Variants in PLAC8 observed in about 807,000 individuals in gnomAD.
The protein encoded by PLAC8 is placenta associated 8.
A neutral mutation model predicts 12.6 loss-of-function variants in PLAC8; 6 were observed. The ratio of observed to expected loss-of-function variants is 0.48; its 90% CI spans 0.26 to 0.94. PLAC8 has a LOEUF of 0.94. PLAC8 is among the 40% of genes least tolerant of loss of function. The pLI, the probability that PLAC8 is intolerant of heterozygous loss-of-function variation, is 0.14. For missense variants in PLAC8, 122 were observed against 152.7 expected, an observed-to-expected ratio of 0.80 and a Z score of 1.06; for synonymous variants, 54 against 52.6, an observed-to-expected ratio of 1.03 and a Z score of -0.11.
chr4:83,096,085 C>T (rs993414623), intron 3 of PLAC8, among the ~76,000 whole-genome samples: 2 of 152,186 alleles, frequency 1.3e-5, no homozygotes, highest in African/African-American at 4.8e-5. Context: ...CCTCCAAAGG[C>T]AATCTATTCC....
chr4:83,111,405 G>A (rs1460280009), intron 1 of PLAC8, among the ~76,000 whole-genome samples: 1 of 151,888 alleles, frequency 6.6e-6, no homozygotes, highest in African/African-American at 2.4e-5. Flanking sequence ...GGTGGCTAAC[G>A]CCTGTAATCC....
At chr4:83,105,273 T>C (rs1237692855) in intron 2 of PLAC8, among the ~76,000 whole-genome samples, 2 of 152,266 alleles carry the variant, frequency 1.3e-5, no homozygotes, top group African/African-American at 2.4e-5. Context: ...CATTTGTTCA[T>C]TGATGCAGTA....
chr4:83,109,931 T>G (rs1270829806), intron 1 of PLAC8: 1 of 152,160 alleles, frequency 6.6e-6, no homozygotes, highest in Non-Finnish European at 1.5e-5. Flanking sequence ...AGACCGCCCA[T>G]TTTTGCTGGG....
chr4:83,107,157 G>A (rs1732261972), intron 2 of PLAC8, among the ~76,000 whole-genome samples: 1 of 150,000 alleles, frequency 6.7e-6, no homozygotes, highest in Non-Finnish European at 1.5e-5. Context: ...TGGAGATCGT[G>A]CCATTGCACT....
At chr4:83,101,275 G>C (rs1732094947) in intron 3 of PLAC8, among the ~76,000 whole-genome samples, 1 of 152,188 alleles carries the variant, frequency 6.6e-6, no homozygotes, top group Admixed American at 6.5e-5. Flanking sequence ...AGCTACTGGC[G>C]AGGCTGAGGC....
At chr4:83,104,327 GTATA>G (rs540113598) in intron 3 of PLAC8, among the ~76,000 whole-genome samples, 1 of 151,236 alleles carries the variant, frequency 6.6e-6, no homozygotes, top group Non-Finnish European at 1.5e-5. Flanking sequence ...AGGTTTGCCT[GTATA>G]TATATATATG....
chr4:83,093,984 TGGATATTACAAA>T (rs1731867174), intron 4 of PLAC8: 1 of 152,236 alleles, frequency 6.6e-6, no homozygotes, highest in Non-Finnish European at 1.5e-5. Flanking sequence ...GGAAGGAAAC[TGGATATTACAAA>T]GAGTAGAAAA....
chr4:83,104,933 G>T lies in PLAC8; in HGVS notation c.206C>A (p.Ala69Glu). ...TCGGGTCCTGTAGAGAGTCCTCATT[G>T]CGACGCTTGTTCCACACAGACAGCA... The part of the protein sequence containing the change: ...NECCLCGTSV[A>E]MRTLYRTRYG... Residue 69 changes from alanine (A) to glutamate (E), a missense_variant, in exon 3 of 5, where the codon GCA (alanine) becomes GAA (glutamate). Physicochemically the swap from Ala to Glu is moderately radical, Grantham distance 107 (BLOSUM62 -1). Coordinates refer to ENST00000311507, the MANE Select transcript of PLAC8 (RefSeq NM_016619.3). 1 of 1,614,094 alleles carries T rather than the reference G, an allele frequency of 6.2e-7. No homozygotes were observed. The highest frequency in any genetic ancestry group is 8.5e-7 in the Non-Finnish European group (1 of 1,179,998).
intron 1 of PLAC8, among the ~76,000 whole-genome samples, chr4:83,111,161 G>A (rs1027543500): frequency 6.6e-6 from 1 of 152,098 alleles, no homozygotes; most frequent in Non-Finnish European, 1.5e-5. Flanking sequence ...AGAGATGGGG[G>A]TCTCACTATG....
chr4:83,091,892 T>C (rs868208404), intron 4 of PLAC8, among the ~76,000 whole-genome samples: 13 of 152,182 alleles, frequency 8.5e-5, no homozygotes, highest in Non-Finnish European at 1.6e-4. Flanking sequence ...AACTCATAGA[T>C]ATTTTATACT....
rs1445473957 is a variant in PLAC8 at position 83,109,029 on chromosome 4, C to A, written c.-29-1079G>T. Among the ~76,000 whole-genome samples, 4 of 152,140 alleles carry A rather than the reference C, an allele frequency of 2.6e-5. No individual in the cohort carries two copies. The East Asian group carries it at 7.7e-4, about 29-fold the overall frequency. The stretch of plus-strand genomic sequence containing the variant: ...AAGTACATTTGGTAAGGTTACTCCT[C>A]ATTTCTCTACATCATGAGAGGCAGT... On this transcript the variant is annotated intron_variant, in intron 1 of 4. Transcript: ENST00000311507.
At chr4:83,106,045 C>G (rs9683852) in intron 2 of PLAC8, among the ~76,000 whole-genome samples, 127,142 of 151,812 alleles carry the variant, frequency 0.84, 53,387 homozygotes, top group East Asian at 0.99. Context: ...TGAGATGCAG[C>G]CTCGAGTGCA....
intron 3 of PLAC8, among the ~76,000 whole-genome samples, chr4:83,102,407 T>C (rs1316889093): frequency 6.6e-6 from 1 of 152,130 alleles, no homozygotes; most frequent in Non-Finnish European, 1.5e-5. Context: ...GGTGTGATGC[T>C]GCACATCTAT....
chr4:83,105,139 G>T, intron 2 of PLAC8, 119 bp from the exon 3 acceptor site: 1 of 1,072,520 alleles, frequency 9.3e-7, no homozygotes, highest in Non-Finnish European at 1.4e-6. Context: ...AAAGCCTGCT[G>T]CTAAGTCCAT....
chr4:83,112,188 T>TTATATATATA (rs1391536491), intron 1 of PLAC8, among the ~76,000 whole-genome samples: 3 of 96,488 alleles, frequency 3.1e-5, no homozygotes, highest in African/African-American at 9.8e-5. Context: ...AAAAAAAAAT[T>TTATATATATA]TATATATATA....
intron 4 of PLAC8, among the ~76,000 whole-genome samples, 178 bp from the exon 5 acceptor site, chr4:83,091,149 G>T (rs968168343): frequency 1.1e-4 from 17 of 152,114 alleles, no homozygotes; most frequent in Non-Finnish European, 1.5e-5. Flanking sequence ...ACCATGGGAG[G>T]TTTGTCAAAA....
chr4:83,096,018 T>C (rs1012971804), intron 3 of PLAC8, among the ~76,000 whole-genome samples: 1 of 152,212 alleles, frequency 6.6e-6, no homozygotes, highest in Non-Finnish European at 1.5e-5. Flanking sequence ...CAGAATCTTG[T>C]AGCCTCCAGC....
rs541779929 is a variant in PLAC8, at chr4:83,112,259, T to A, written c.-30+2407A>T. On this transcript the variant is annotated intron_variant, in intron 1 of 4. Coordinates refer to ENST00000311507, the MANE Select transcript of PLAC8 (RefSeq NM_016619.3). ...ATATGTATCAGCTGTATCTCAAATATCCATATGCTAACTGCCAGTTAGTTT... is the reference window on the plus strand; with the variant it reads ...ATATGTATCAGCTGTATCTCAAATAACCATATGCTAACTGCCAGTTAGTTT... Among the ~76,000 whole-genome samples the A allele has an allele frequency of 2.1e-4, 31 of 149,826 alleles. No homozygotes were observed. The South Asian group carries it at 6.5e-3, about 31-fold the overall frequency.
chr4:83,112,189 TA>T (rs1732438324), intron 1 of PLAC8, among the ~76,000 whole-genome samples: 1 of 43,858 alleles, frequency 2.3e-5, no homozygotes, highest in African/African-American at 9.9e-5. Context: ...AAAAAAAATT[TA>T]TATATATATA....
Sources: allele counts gnomAD v4.1 joint callset (sites outside exome capture counted in the v4.1 genomes callset), GRCh38; gene constraint gnomAD v4.1.1; transcripts MANE v1.5; gene names NCBI Gene and HGNC (gene_info 2026-07-23, HGNC 2026-07-21).